PPARGC1A: variants seen among roughly 807,000 people sequenced by gnomAD.
The protein encoded by PPARGC1A is peroxisome proliferator-activated receptor gamma coactivator 1-alpha.
A neutral mutation model predicts 88.7 loss-of-function variants in PPARGC1A; 25 were observed. The ratio of observed to expected loss-of-function variants is 0.28; its 90% CI spans 0.21 to 0.39. The LOEUF (loss-of-function observed/expected upper bound fraction) is 0.39, where lower values mean the gene tolerates loss of function less well. Ranked by LOEUF, PPARGC1A falls within the 10% of genes least tolerant of loss-of-function variation. The pLI is 1.00. For missense variants in PPARGC1A, 880 were observed against 968.7 expected, an observed-to-expected ratio of 0.91 and a Z score of 1.22; for synonymous variants, 363 against 355.6, an observed-to-expected ratio of 1.02 and a Z score of -0.24.
At chr4:24,043,821 T>C in the PPARGC1A span, among the ~76,000 whole-genome samples, 11 of 152,174 alleles carry the variant, frequency 7.2e-5, no homozygotes, top group Non-Finnish European at 1.0e-4. Flanking sequence ...GGTTACTATA[T>C]AGCAAGAAAC....
At chr4:24,159,239 C>A in the PPARGC1A span, among the ~76,000 whole-genome samples, 2 of 125,616 alleles carry the variant, frequency 1.6e-5, no homozygotes, top group Non-Finnish European at 3.1e-5. Context: ...TGAGATGGAG[C>A]CTCGCTCTGT....
At chr4:24,355,413 A>G in the PPARGC1A span, among the ~76,000 whole-genome samples, 2,020 of 152,300 alleles carry the variant, frequency 0.013, 57 homozygotes, top group African/African-American at 0.047. Context: ...ATTGTCAAGA[A>G]GAGGAGCTGC....
At chr4:23,829,904 A>G (rs1724696575) in intron 3 of PPARGC1A, among the ~76,000 whole-genome samples, 1 of 152,194 alleles carries the variant, frequency 6.6e-6, no homozygotes, top group Non-Finnish European at 1.5e-5. Context: ...GTAGAAGGAA[A>G]ATCTCAAAAT....
At chr4:24,101,240 A>C in the PPARGC1A span, among the ~76,000 whole-genome samples, 1 of 152,126 alleles carries the variant, frequency 6.6e-6, no homozygotes, top group Non-Finnish European at 1.5e-5. Context: ...TATCACCTTC[A>C]ACCCCTTTCT....
the PPARGC1A span, among the ~76,000 whole-genome samples, chr4:24,264,713 T>A: frequency 6.6e-6 from 1 of 152,258 alleles, no homozygotes. Flanking sequence ...TCTTGTCTCA[T>A]GCATCTTCTT....
the PPARGC1A span, among the ~76,000 whole-genome samples, chr4:24,123,012 AGT>A: frequency 1.3e-5 from 2 of 151,150 alleles, no homozygotes; most frequent in African/African-American, 2.4e-5. Flanking sequence ...AGTTCTGTTG[AGT>A]GTGTGTGTGT....
the PPARGC1A span, among the ~76,000 whole-genome samples, chr4:23,964,349 A>G: frequency 6.6e-6 from 1 of 152,224 alleles, no homozygotes; most frequent in African/African-American, 2.4e-5. Context: ...TGAAGGTCAT[A>G]GATTAGAAAT....
the PPARGC1A span, among the ~76,000 whole-genome samples, chr4:24,102,430 T>C: frequency 1.3e-5 from 2 of 152,216 alleles, no homozygotes; most frequent in Admixed American, 1.3e-4. Flanking sequence ...CAGTCACTGA[T>C]TTGTATGAAC....
chr4:23,801,213 A>ACACG (rs1491275887), intron 12 of PPARGC1A, among the ~76,000 whole-genome samples: 3 of 150,948 alleles, frequency 2.0e-5, no homozygotes, highest in Middle Eastern at 3.2e-3. Context: ...ACACACACAC[A>ACACG]TGAATCATAA....
At chr4:24,206,673 TAC>T in the PPARGC1A span, among the ~76,000 whole-genome samples, 4 of 151,394 alleles carry the variant, frequency 2.6e-5, no homozygotes, top group Non-Finnish European at 5.9e-5. Flanking sequence ...CTCTACTAAA[TAC>T]ACACACAAAA....
the PPARGC1A span, among the ~76,000 whole-genome samples, chr4:23,993,992 G>A: frequency 2.6e-5 from 4 of 152,094 alleles, no homozygotes; most frequent in Non-Finnish European, 5.9e-5. Context: ...ATTTGTGTTT[G>A]ACAATTTCTT....
chr4:24,330,290 G>A, the PPARGC1A span, among the ~76,000 whole-genome samples: 41 of 152,298 alleles, frequency 2.7e-4, no homozygotes, highest in African/African-American at 9.6e-4. Context: ...CAGTTTCTGT[G>A]TCGGAATGGT....
At chr4:24,420,617 C>A in the PPARGC1A span, among the ~76,000 whole-genome samples, 1 of 152,072 alleles carries the variant, frequency 6.6e-6, no homozygotes, top group East Asian at 1.9e-4. Flanking sequence ...TTGACTTACT[C>A]ACTGTCCCCT....
chr4:23,926,684 T>C, the PPARGC1A span, among the ~76,000 whole-genome samples: 1 of 152,200 alleles, frequency 6.6e-6, no homozygotes. Context: ...TCCCAAATCC[T>C]TTTTCCTTAT....
At chr4:24,164,291 T>C in the PPARGC1A span, among the ~76,000 whole-genome samples, 1 of 151,236 alleles carries the variant, frequency 6.6e-6, no homozygotes, top group Non-Finnish European at 1.5e-5. Context: ...CATCAGTTGC[T>C]GGGACAGAGC....
the PPARGC1A span, among the ~76,000 whole-genome samples, chr4:24,198,686 G>T: frequency 6.6e-6 from 1 of 152,196 alleles, no homozygotes; most frequent in Non-Finnish European, 1.5e-5. Context: ...ATGGAAGCAG[G>T]ATGTTTATTT....
intron 7 of PPARGC1A, 104 bp from the exon 8 acceptor site, chr4:23,814,709 T>A: frequency 1.8e-6 from 2 of 1,129,130 alleles, no homozygotes; most frequent in Non-Finnish European, 2.4e-6. Flanking sequence ...TTCCAAGATT[T>A]CAGACAAGGG....
chr4:23,820,185 T>A (rs1722739989), intron 7 of PPARGC1A, among the ~76,000 whole-genome samples: 1 of 152,114 alleles, frequency 6.6e-6, no homozygotes, highest in South Asian at 2.1e-4. Flanking sequence ...GAGAAAAAAT[T>A]AAGTAAAAAA....
the PPARGC1A span, among the ~76,000 whole-genome samples, chr4:24,426,695 A>G: frequency 1.3e-5 from 2 of 152,350 alleles, no homozygotes; most frequent in African/African-American, 4.8e-5. Flanking sequence ...GAAATAAGCA[A>G]TACAATCTTG....
Sources: allele counts gnomAD v4.1 joint callset (sites outside exome capture counted in the v4.1 genomes callset), GRCh38; gene constraint gnomAD v4.1.1; transcripts MANE v1.5; gene names NCBI Gene and HGNC (gene_info 2026-07-23, HGNC 2026-07-21).